THEMIS: variants seen among roughly 807,000 people sequenced by gnomAD.
The protein encoded by THEMIS is protein THEMIS.
In THEMIS, 37 loss-of-function variants were observed where a neutral mutation model predicts 52.6. That is an observed-to-expected ratio of 0.70 (90% CI 0.54 to 0.93). THEMIS has a LOEUF of 0.93. Ranked by LOEUF, THEMIS falls within the 40% of genes least tolerant of loss-of-function variation. The probability of loss-of-function intolerance (pLI) is 0.00; values close to 1 mark genes in which losing one functional copy is unlikely to be tolerated. For synonymous variants in THEMIS, 292 were observed against 272.7 expected (o/e 1.07, Z -0.70); for missense variants, 808 against 763.1 (o/e 1.06, Z -0.69).
chr6:127,806,856 G>C (rs1777728356), intron 4 of THEMIS, among the ~76,000 whole-genome samples: 1 of 152,098 alleles, frequency 6.6e-6, no homozygotes, highest in East Asian at 1.9e-4. Flanking sequence ...TTGTACCTTC[G>C]AGGTTTCAGC....
At chr6:127,820,825 T>A (rs1469913039) in intron 3 of THEMIS, among the ~76,000 whole-genome samples, 3 of 152,072 alleles carry the variant, frequency 2.0e-5, no homozygotes, top group Admixed American at 6.5e-5. Context: ...TTTTTTTATA[T>A]GTTTTAAGTT....
At chr6:127,903,800 G>T (rs9398858), upstream of THEMIS, among the ~76,000 whole-genome samples, 5,930 of 151,116 alleles carry the variant, frequency 0.039, 653 homozygotes, top group East Asian at 0.37. Flanking sequence ...CCACTTGTTA[G>T]TCAATATGCA....
chr6:127,782,837 C>A (rs1171166200), intron 4 of THEMIS, among the ~76,000 whole-genome samples: 2 of 152,176 alleles, frequency 1.3e-5, no homozygotes, highest in Admixed American at 6.5e-5. Flanking sequence ...AGACTCAATG[C>A]TACTCCCATC....
intron 4 of THEMIS, among the ~76,000 whole-genome samples, chr6:127,731,418 T>C (rs1335535689): frequency 6.6e-6 from 1 of 152,118 alleles, no homozygotes; most frequent in African/African-American, 2.4e-5. Context: ...ATGCAACTTA[T>C]AGAAAAATCT....
At chr6:127,731,694 CTTT>C (rs34588130) in intron 4 of THEMIS, among the ~76,000 whole-genome samples, 2 of 93,394 alleles carry the variant, frequency 2.1e-5, no homozygotes, top group Non-Finnish European at 4.3e-5. Flanking sequence ...TTTATTGCTA[CTTT>C]TTTTTTTTTT....
intron 4 of THEMIS, among the ~76,000 whole-genome samples, chr6:127,752,015 G>A (rs1374960633): frequency 2.6e-5 from 4 of 151,556 alleles, no homozygotes; most frequent in African/African-American, 4.8e-5. Flanking sequence ...AATCACAATG[G>A]TATGAAATTA....
rs766287144 is a variant in THEMIS at position 127,829,812 on chromosome 6, G to C, written c.373C>G (p.Leu125Val). 1.9e-6 allele frequency: 3 copies of C among 1,614,070 alleles called. No individual in the cohort carries two copies. The highest frequency in any genetic ancestry group is 2.2e-5 in the East Asian group (1 of 44,854). ...CCCTGCTTTATGATGAGGTTCTCTA[G>C]TTTTATATCCTTCTGATGATAGAAG... ...PCFYHQKDIKLENLIIKQGEQ... is the reference protein window; with the variant it reads ...PCFYHQKDIKVENLIIKQGEQ... The change falls in exon 3 of 6, where the codon CTA becomes GTA. Residue 125 changes from leucine to valine, a missense_variant. Leu to Val is a conservative substitution (Grantham distance 32). Coordinates refer to ENST00000368248, the MANE Select transcript of THEMIS (RefSeq NM_001010923.3).
intron 3 of THEMIS, among the ~76,000 whole-genome samples, chr6:127,827,092 C>A (rs1041178310): frequency 1.3e-5 from 2 of 152,046 alleles, no homozygotes; most frequent in Non-Finnish European, 2.9e-5. Flanking sequence ...TCATCTTGCT[C>A]TTTCCCCTAA....
At chr6:127,852,777 T>A (rs1441915935) in intron 2 of THEMIS, among the ~76,000 whole-genome samples, 4 of 151,586 alleles carry the variant, frequency 2.6e-5, no homozygotes, top group Non-Finnish European at 5.9e-5. Context: ...GTATCTGGGA[T>A]CCCTTTCATC....
intron 4 of THEMIS, among the ~76,000 whole-genome samples, chr6:127,740,456 A>C (rs1775161762): frequency 8.3e-6 from 1 of 120,500 alleles, no homozygotes; most frequent in Non-Finnish European, 1.8e-5. Flanking sequence ...ATTATTTTTA[A>C]AATGCAACAA....
chr6:127,753,073 A>G (rs936037923), intron 4 of THEMIS, among the ~76,000 whole-genome samples: 13 of 151,998 alleles, frequency 8.6e-5, no homozygotes, highest in African/African-American at 3.1e-4. Context: ...TCACATAATC[A>G]TCTCCATAGA....
intron 2 of THEMIS, among the ~76,000 whole-genome samples, chr6:127,852,427 A>G (rs1180244208): frequency 2.0e-5 from 3 of 151,568 alleles, no homozygotes; most frequent in African/African-American, 7.3e-5. Context: ...TAGAAAATAT[A>G]TTCTTCTCAA....
intron 4 of THEMIS, among the ~76,000 whole-genome samples, chr6:127,768,626 A>G (rs1314975882): frequency 2.6e-5 from 4 of 152,222 alleles, no homozygotes; most frequent in Non-Finnish European, 4.4e-5. Context: ...TATTAATTAT[A>G]TTTTTTAAAT....
At chr6:127,905,320 A>G (rs186412325), upstream of THEMIS, among the ~76,000 whole-genome samples, 9 of 152,156 alleles carry the variant, frequency 5.9e-5, no homozygotes, top group Non-Finnish European at 8.8e-5. Flanking sequence ...ACAAAAACCA[A>G]TAAGGGTAGA....
intron 2 of THEMIS, among the ~76,000 whole-genome samples, chr6:127,852,238 A>G (rs910486747): frequency 6.6e-6 from 1 of 151,650 alleles, no homozygotes; most frequent in Non-Finnish European, 1.5e-5. Context: ...CTGCAAATAC[A>G]TGAAGCAAAA....
At chr6:127,779,962 T>G (rs1199199018) in intron 4 of THEMIS, among the ~76,000 whole-genome samples, 1 of 152,228 alleles carries the variant, frequency 6.6e-6, no homozygotes, top group Non-Finnish European at 1.5e-5. Flanking sequence ...TTGTTAATTT[T>G]CTGTCTTGTT....
intron 4 of THEMIS, among the ~76,000 whole-genome samples, chr6:127,787,803 G>GTAGATAGATAGATAGATAGATAGA (rs147102978): frequency 1.2e-4 from 17 of 137,638 alleles, no homozygotes; most frequent in African/African-American, 3.3e-4. Flanking sequence ...ACAGTGATAG[G>GTAGATAGATAGATAGATAGATAGA]TAGATAGATA....
chr6:127,889,159 T>G (rs961588699), intron 1 of THEMIS, among the ~76,000 whole-genome samples: 4 of 152,140 alleles, frequency 2.6e-5, no homozygotes, highest in Admixed American at 2.6e-4. Context: ...TCTACCATGA[T>G]GAAATATGTT....
chr6:127,737,592 C>T (rs1775051783), intron 4 of THEMIS, among the ~76,000 whole-genome samples: 1 of 152,158 alleles, frequency 6.6e-6, no homozygotes, highest in Admixed American at 6.5e-5. Context: ...TTTAATTTTA[C>T]CTTTTTTAAT....
Sources: allele counts gnomAD v4.1 joint callset (sites outside exome capture counted in the v4.1 genomes callset), GRCh38; gene constraint gnomAD v4.1.1; transcripts MANE v1.5; gene names NCBI Gene and HGNC (gene_info 2026-07-23, HGNC 2026-07-21).